The following ATP2B1 variants were observed in gnomAD, a reference collection of about 807,000 sequenced individuals.
ATP2B1 encodes plasma membrane calcium-transporting ATPase 1.
A neutral mutation model predicts 124.2 loss-of-function variants in ATP2B1; 14 were observed. That is an observed-to-expected ratio of 0.11 (90% CI 0.07 to 0.18). The LOEUF is 0.18. Among genes scored for constraint, ATP2B1 ranks in the 10% least tolerant of loss-of-function variants. ATP2B1 has a pLI of 1.00. For missense variants in ATP2B1, 763 were observed against 1,466.1 expected, an observed-to-expected ratio of 0.52 and a Z score of 7.83; for synonymous variants, 449 against 492.4, an observed-to-expected ratio of 0.91 and a Z score of 1.17.
chr12:89,695,488 C>T (rs1425643104), intron 1 of ATP2B1, among the ~76,000 whole-genome samples: 1 of 151,896 alleles, frequency 6.6e-6, no homozygotes, highest in Non-Finnish European at 1.5e-5. Context: ...GAAAAAAATT[C>T]ATATATGATG....
chr12:89,609,394 T>C (rs904579117), intron 15 of ATP2B1, among the ~76,000 whole-genome samples: 1 of 152,146 alleles, frequency 6.6e-6, no homozygotes, highest in Admixed American at 6.5e-5. Context: ...AGAATTGTGA[T>C]TATGAACCAG....
chr12:89,606,214 A>C (rs538569297), intron 15 of ATP2B1, among the ~76,000 whole-genome samples: 1 of 152,334 alleles, frequency 6.6e-6, no homozygotes, highest in East Asian at 1.9e-4. Context: ...AATGTGGTCT[A>C]TATGCTTGTG....
chr12:89,598,039 CAAAAAA>C (rs10661138), intron 20 of ATP2B1, among the ~76,000 whole-genome samples: 14 of 60,526 alleles, frequency 2.3e-4, no homozygotes, highest in South Asian at 9.6e-4. Flanking sequence ...CACAACCAAG[CAAAAAA>C]AAAAAAAAAA....
At chr12:89,658,104 T>G (rs528724519) in intron 1 of ATP2B1, among the ~76,000 whole-genome samples, 1 of 152,278 alleles carries the variant, frequency 6.6e-6, no homozygotes, top group South Asian at 2.1e-4. Flanking sequence ...TATCCAGAAT[T>G]TGTTGGCCTG....
intron 15 of ATP2B1, among the ~76,000 whole-genome samples, chr12:89,609,727 A>C (rs187754798): frequency 2.8e-4 from 42 of 152,354 alleles, no homozygotes; most frequent in Non-Finnish European, 5.1e-4. Flanking sequence ...TGCTCAAAAG[A>C]AACAATCTAG....
Position 89,637,481 on chromosome 12 carries a change from G to C in ATP2B1, c.407-2230C>G, listed in dbSNP as rs1882885628. Among the ~76,000 whole-genome samples the C allele has an allele frequency of 2.0e-5, 3 of 151,178 alleles. 1 individual carries two copies. The East Asian group carries it at 5.9e-4, about 29-fold the overall frequency. ...GGCTGGAGTGCAGTGGTGCCAATGTGGCTCACTGCATGCTCAAGCAATCTT... is the reference window on the plus strand; with the variant it reads ...GGCTGGAGTGCAGTGGTGCCAATGTCGCTCACTGCATGCTCAAGCAATCTT... On this transcript the variant is annotated intron_variant, in intron 3 of 20. Transcript: ENST00000428670.
In ATP2B1 at chr12:89,620,446, T is replaced by C. The variant is rs184896263; in HGVS notation, c.1588-206A>G. 2.2e-4 allele frequency among the ~76,000 whole-genome samples: 34 copies of C among 152,326 alleles called. No individual in the cohort carries two copies. The East Asian group carries it at 5.2e-3, about 23-fold the overall frequency. On this transcript the variant is annotated intron_variant, in intron 10 of 20. Coordinates refer to ENST00000428670, the MANE Select transcript of ATP2B1 (RefSeq NM_001366521.1). ...TTCTAATCTCAGTCCTGCCAGTTAC[T>C]AGCTACGTGAAATTTGACAATTACC...
chr12:89,636,104 G>A (rs1188746369), intron 3 of ATP2B1, among the ~76,000 whole-genome samples: 1 of 151,932 alleles, frequency 6.6e-6, no homozygotes, highest in Non-Finnish European at 1.5e-5. Context: ...AGGTATGCAT[G>A]ACATTTGAGC....
rs139883184 is a variant in ATP2B1, at chr12:89,622,891, T to C, written c.1345-1100A>G. Among the ~76,000 whole-genome samples the C allele has an allele frequency of 4.6e-5, 7 of 152,280 alleles. No individual in the cohort carries two copies. In the East Asian group the frequency reaches 1.2e-3, roughly 25 times the overall value. ...AGCATAAGTCAATCCTACCAGTATC[T>C]TTCTAATCAATTGAAAAATTAGTAT... On this transcript the variant is annotated intron_variant, in intron 9 of 20. Transcript: ENST00000428670.
chr12:89,695,788 G>T (rs1017108523), intron 1 of ATP2B1, among the ~76,000 whole-genome samples: 1 of 152,100 alleles, frequency 6.6e-6, no homozygotes, highest in Admixed American at 6.5e-5. Context: ...CTGCTCTTTA[G>T]AAGCAGGGAT....
intron 1 of ATP2B1, among the ~76,000 whole-genome samples, chr12:89,695,058 CAAA>C (rs544087541): frequency 9.0e-6 from 1 of 111,198 alleles, no homozygotes; most frequent in African/African-American, 3.3e-5. Flanking sequence ...GATGCTGTTT[CAAA>C]AAAAAAAAAA....
At chr12:89,643,371 A>G (rs1391448372) in intron 2 of ATP2B1, among the ~76,000 whole-genome samples, 2 of 152,146 alleles carry the variant, frequency 1.3e-5, no homozygotes, top group Admixed American at 1.3e-4. Flanking sequence ...TTTGCTGAGT[A>G]ACAGTGAAAA....
chr12:89,652,182 T>TA (rs1401540247), intron 2 of ATP2B1, among the ~76,000 whole-genome samples: 23 of 152,226 alleles, frequency 1.5e-4, no homozygotes, highest in African/African-American at 5.5e-4. Context: ...CATGGCTGTA[T>TA]ACCCAGGGCC....
chr12:89,706,221 TAA>T (rs1173062323), intron 1 of ATP2B1, among the ~76,000 whole-genome samples: 1 of 152,164 alleles, frequency 6.6e-6, no homozygotes, highest in Non-Finnish European at 1.5e-5. Flanking sequence ...ACTTTGAATA[TAA>T]GTACACCTGC....
chr12:89,707,029 A>G (rs1164662924), intron 1 of ATP2B1, among the ~76,000 whole-genome samples: 1 of 148,554 alleles, frequency 6.7e-6, no homozygotes, highest in Non-Finnish European at 1.5e-5. Flanking sequence ...TAAAAAAAAA[A>G]TGTTTCTATT....
intron 1 of ATP2B1, among the ~76,000 whole-genome samples, chr12:89,707,467 C>T (rs1892605620): frequency 6.6e-6 from 1 of 152,124 alleles, no homozygotes; most frequent in African/African-American, 2.4e-5. Context: ...TGAAAAAAAT[C>T]TATGTAGCTA....
chr12:89,703,785 T>C (rs1892136105), intron 1 of ATP2B1, among the ~76,000 whole-genome samples: 1 of 152,128 alleles, frequency 6.6e-6, no homozygotes, highest in African/African-American at 2.4e-5. Flanking sequence ...ACAAAAACCA[T>C]CGACATCAAC....
chr12:89,599,110 C>G lies in ATP2B1; in HGVS notation c.3351+7G>C, dbSNP rs1313234646. 1.2e-6 allele frequency: 2 copies of G among 1,612,980 alleles called. No individual in the cohort carries two copies. The highest frequency in any genetic ancestry group is 2.2e-5 in the South Asian group (2 of 90,860). ...TCATCTCTCCTACCTCTCTACCAGGCCCATACCTGTGTTTGGATTCTGTTC... is the reference window on the plus strand; with the variant it reads ...TCATCTCTCCTACCTCTCTACCAGGGCCATACCTGTGTTTGGATTCTGTTC... On this transcript the variant is annotated splice_region_variant and intron_variant, in intron 20 of 20. Coordinates refer to ENST00000428670, the MANE Select transcript of ATP2B1 (RefSeq NM_001366521.1).
Position 89,590,706 on chromosome 12 carries a change from A to C in ATP2B1, c.*278T>G, listed in dbSNP as rs1037547186. 4 of 371,072 alleles carry C rather than the reference A, an allele frequency of 1.1e-5. No homozygotes were observed. The highest frequency in any genetic ancestry group is 6.2e-5 in the African/African-American group (3 of 48,716). The allele number at this position is 371,072 out of a possible 1,614,324, so 23.0% of individuals were successfully genotyped here. On this transcript the variant is annotated 3_prime_UTR_variant, in exon 21 of 21. Coordinates refer to ENST00000428670, the MANE Select transcript of ATP2B1 (RefSeq NM_001366521.1). ...CTAAAGCTCTGCTAATACACTGTTCAGGACCATGCTTGGGTACTACTGATG... is the reference window on the plus strand; with the variant it reads ...CTAAAGCTCTGCTAATACACTGTTCCGGACCATGCTTGGGTACTACTGATG...
Sources: allele counts gnomAD v4.1 joint callset (sites outside exome capture counted in the v4.1 genomes callset), GRCh38; gene constraint gnomAD v4.1.1; transcripts MANE v1.5; gene names NCBI Gene and HGNC (gene_info 2026-07-23, HGNC 2026-07-21).